Variants in FBXL20 observed in about 807,000 individuals in gnomAD.
FBXL20 encodes F-box/LRR-repeat protein 20.
Under a neutral mutation model 64.0 loss-of-function variants are expected in FBXL20, and 11 were observed. The ratio of observed to expected loss-of-function variants is 0.17; its 90% confidence interval spans 0.11 to 0.28. The LOEUF is 0.28. FBXL20 is among the 10% of genes least tolerant of loss of function. The pLI is 1.00. For synonymous variants in FBXL20, 184 were observed against 189.0 expected (o/e 0.97, Z 0.22); for missense variants, 303 against 526.2 (o/e 0.58, Z 4.15).
intron 14 of FBXL20, among the ~76,000 whole-genome samples, chr17:39,261,804 C>T (rs781212736): frequency 6.6e-5 from 10 of 151,960 alleles, no homozygotes; most frequent in Admixed American, 2.0e-4. Flanking sequence ...AACTGAGGGC[C>T]GGGCGCGGTG....
chr17:39,363,261 GCCTGGGCCTCC>G (rs1175032607), intron 1 of FBXL20, among the ~76,000 whole-genome samples: 1 of 151,984 alleles, frequency 6.6e-6, no homozygotes, highest in Non-Finnish European at 1.5e-5. Flanking sequence ...TGATCCACCA[GCCTGGGCCTCC>G]CAAAGTGCTG....
intron 14 of FBXL20, among the ~76,000 whole-genome samples, chr17:39,262,227 G>A (rs2144332530): frequency 6.6e-6 from 1 of 152,270 alleles, no homozygotes; most frequent in South Asian, 2.1e-4. Flanking sequence ...AACTCAAGAT[G>A]AAGTTTGGTA....
rs778677441 is a variant in FBXL20, at chr17:39,274,965, T to C, written c.827+5A>G. On this transcript the variant is annotated splice_donor_5th_base_variant and intron_variant, in intron 10 of 14. Transcript: ENST00000264658. The stretch of plus-strand genomic sequence containing the variant: ...ATTTTTTTGAGCTAAACAAGAAATG[T>C]TTACCTAAGCCGTGGGCAGTTCTGA... 79 of 1,611,154 alleles carry C rather than the reference T, an allele frequency of 4.9e-5. No homozygotes were observed. Among genetic ancestry groups the C allele is most frequent in the Non-Finnish European group, 6.4e-5 (76 of 1,179,362 alleles).
chr17:39,377,203 T>C (rs982022702), intron 1 of FBXL20, among the ~76,000 whole-genome samples: 3 of 152,170 alleles, frequency 2.0e-5, no homozygotes, highest in Non-Finnish European at 4.4e-5. Context: ...CTGCACTTGA[T>C]GGATCAGCTG....
intron 12 of FBXL20, among the ~76,000 whole-genome samples, chr17:39,266,277 TG>T (rs1318587160): frequency 8.0e-5 from 12 of 150,528 alleles, no homozygotes; most frequent in Admixed American, 2.0e-4. Flanking sequence ...TGGAGTGTGG[TG>T]GCACGATCTC....
chr17:39,401,679 C>T, upstream of FBXL20: 1 of 1,265,378 alleles, frequency 7.9e-7, no homozygotes, highest in South Asian at 1.8e-5. Context: ...CCAGCAACGC[C>T]GCTGCTCATT....
intron 2 of FBXL20, among the ~76,000 whole-genome samples, chr17:39,305,138 T>C (rs975587004): frequency 1.3e-5 from 2 of 151,936 alleles, no homozygotes; most frequent in Non-Finnish European, 2.9e-5. Flanking sequence ...AAAACAGCAA[T>C]GAAAAATGTT....
intron 2 of FBXL20, among the ~76,000 whole-genome samples, chr17:39,329,465 A>G (rs2047439989): frequency 1.3e-5 from 2 of 152,172 alleles, no homozygotes; most frequent in Non-Finnish European, 2.9e-5. Flanking sequence ...CCCCTTTACT[A>G]TAAAGGATAT....
intron 1 of FBXL20, among the ~76,000 whole-genome samples, chr17:39,394,163 G>A (rs1271387801): frequency 6.6e-6 from 1 of 152,054 alleles, no homozygotes; most frequent in African/African-American, 2.4e-5. Flanking sequence ...GTCACTTTAA[G>A]GGCTTTCTTT....
chr17:39,315,176 G>A (rs1018206310), intron 2 of FBXL20, among the ~76,000 whole-genome samples: 6 of 151,390 alleles, frequency 4.0e-5, no homozygotes, highest in Non-Finnish European at 7.4e-5. Flanking sequence ...CAGGTGATCC[G>A]CCTGCCTCGG....
intron 2 of FBXL20, among the ~76,000 whole-genome samples, chr17:39,315,657 TAG>T (rs2047280412): frequency 6.6e-6 from 1 of 151,124 alleles, no homozygotes. Flanking sequence ...CAGCCTTGGG[TAG>T]AGTGTCAAAG....
chr17:39,321,808 T>C (rs1171106794), intron 2 of FBXL20, among the ~76,000 whole-genome samples: 1 of 150,030 alleles, frequency 6.7e-6, no homozygotes, highest in East Asian at 1.9e-4. Context: ...CAAAAATAAC[T>C]GATCAGGCTA....
intron 1 of FBXL20, among the ~76,000 whole-genome samples, chr17:39,374,753 A>C (rs1386075898): frequency 6.6e-6 from 1 of 152,178 alleles, no homozygotes; most frequent in African/African-American, 2.4e-5. Context: ...TGAAATGGAC[A>C]GAATTTAAGC....
intron 9 of FBXL20, 43 bp downstream of exon 9, chr17:39,281,346 A>C (rs2046948704): frequency 6.4e-7 from 1 of 1,565,430 alleles, no homozygotes; most frequent in Non-Finnish European, 8.7e-7. Flanking sequence ...ATTTTAATGA[A>C]ATGAATTACT....
intron 10 of FBXL20, among the ~76,000 whole-genome samples, chr17:39,274,177 G>C (rs2046871119): frequency 6.6e-6 from 1 of 152,166 alleles, no homozygotes. Flanking sequence ...ACTCAGCCCT[G>C]AATTAGTATT....
rs1399367786 is a variant in FBXL20 at position 39,256,230 on chromosome 17, A to G, written c.*5230T>C. On this transcript the variant is annotated 3_prime_UTR_variant, in exon 15 of 15. Transcript: ENST00000264658. The stretch of plus-strand genomic sequence containing the variant: ...TGGCCTCTTGGGAGGCTGAAACAGA[A>G]GAATCACTTGAACCCAGGAGGCAGA... 1 of 151,944 alleles carries G rather than the reference A, an allele frequency of 6.6e-6. No homozygotes were observed. Among genetic ancestry groups the G allele is most frequent in the African/African-American group, 2.4e-5 (1 of 41,332 alleles). The allele number at this position is 151,944 out of a possible 1,614,324, so 9.4% of individuals were successfully genotyped here. A position where few individuals can be genotyped will look rare whatever the true frequency, so the allele number is the denominator to read the frequency against.
chr17:39,357,226 TCGTGC>T (rs2047750474), intron 1 of FBXL20, among the ~76,000 whole-genome samples: 2 of 148,290 alleles, frequency 1.3e-5, no homozygotes, highest in South Asian at 4.3e-4. Context: ...TGAGCCAAGT[TCGTGC>T]CACACTGCAC....
chr17:39,352,034 T>C (rs2047691939), intron 1 of FBXL20, among the ~76,000 whole-genome samples: 1 of 152,074 alleles, frequency 6.6e-6, no homozygotes, highest in African/African-American at 2.4e-5. Flanking sequence ...AAGCAGCTTG[T>C]GTGTGTGTGC....
At chr17:39,331,049 C>T (rs1032423416) in intron 2 of FBXL20, among the ~76,000 whole-genome samples, 4 of 152,222 alleles carry the variant, frequency 2.6e-5, no homozygotes, top group Admixed American at 6.5e-5. Context: ...AAGGACTCAA[C>T]ACAACAATCT....
Sources: allele counts gnomAD v4.1 joint callset (sites outside exome capture counted in the v4.1 genomes callset), GRCh38; gene constraint gnomAD v4.1.1; transcripts MANE v1.5; gene names NCBI Gene and HGNC (gene_info 2026-07-23, HGNC 2026-07-21).